Variants in SLC24A2 observed in about 807,000 individuals in gnomAD.
SLC24A2 encodes sodium/potassium/calcium exchanger 2.
A neutral mutation model predicts 62.0 loss-of-function variants in SLC24A2; 36 were observed. The observed-to-expected ratio is 0.58, with a 90% CI of 0.44 to 0.77. The LOEUF (loss-of-function observed/expected upper bound fraction) is 0.77. Among genes scored for constraint, SLC24A2 ranks in the 30% least tolerant of loss-of-function variants. The probability of loss-of-function intolerance (pLI) is 0.00; values close to 1 mark genes in which losing one functional copy is unlikely to be tolerated. For synonymous variants in SLC24A2, 358 were observed against 294.0 expected (o/e 1.22, Z -2.23); for missense variants, 846 against 817.9 (o/e 1.03, Z -0.42).
At chr9:20,197,987 A>T in the SLC24A2 span, among the ~76,000 whole-genome samples, 1 of 152,218 alleles carries the variant, frequency 6.6e-6, no homozygotes, top group Non-Finnish European at 1.5e-5. Context: ...CAAGAAAAAG[A>T]TGCTGAAGAT....
chr9:20,105,829 G>C, the SLC24A2 span, among the ~76,000 whole-genome samples: 2 of 152,010 alleles, frequency 1.3e-5, no homozygotes, highest in African/African-American at 2.4e-5. Flanking sequence ...CTAGCAGAAG[G>C]CAAGAAGTAA....
chr9:20,248,827 G>T, the SLC24A2 span, among the ~76,000 whole-genome samples: 3 of 152,184 alleles, frequency 2.0e-5, no homozygotes, highest in African/African-American at 7.2e-5. Flanking sequence ...CTTCTCCGGG[G>T]CACCCACATG....
chr9:20,176,207 C>T, the SLC24A2 span, among the ~76,000 whole-genome samples: 2 of 151,932 alleles, frequency 1.3e-5, no homozygotes, highest in Non-Finnish European at 2.9e-5. Context: ...GATCTTGAGG[C>T]TTAAAAATGA....
the SLC24A2 span, among the ~76,000 whole-genome samples, chr9:20,282,501 T>C: frequency 1.3e-5 from 2 of 152,162 alleles, no homozygotes; most frequent in Non-Finnish European, 2.9e-5. Context: ...GAATCTGAAA[T>C]CCAAGAGATT....
chr9:20,205,936 T>C, the SLC24A2 span, among the ~76,000 whole-genome samples: 1 of 152,194 alleles, frequency 6.6e-6, no homozygotes, highest in Non-Finnish European at 1.5e-5. Flanking sequence ...ATTGTTATTA[T>C]ATTTATACTG....
chr9:20,174,795 T>C, the SLC24A2 span, among the ~76,000 whole-genome samples: 1 of 151,964 alleles, frequency 6.6e-6, no homozygotes, highest in African/African-American at 2.4e-5. Context: ...AGTGTGGCAA[T>C]TCCTTAAAGA....
chr9:19,728,861 T>G (rs779339573), intron 2 of SLC24A2, among the ~76,000 whole-genome samples: 2 of 152,142 alleles, frequency 1.3e-5, no homozygotes, highest in African/African-American at 2.4e-5. Flanking sequence ...GCATTGAGGC[T>G]GAGACTAAAA....
chr9:19,709,816 G>C (rs1165192385), intron 2 of SLC24A2, among the ~76,000 whole-genome samples: 1 of 149,876 alleles, frequency 6.7e-6, no homozygotes, highest in Non-Finnish European at 1.5e-5. Context: ...GGAGTTAATG[G>C]GTGCAGCACA....
chr9:19,867,939 A>C, the SLC24A2 span, among the ~76,000 whole-genome samples: 9 of 151,572 alleles, frequency 5.9e-5, no homozygotes, highest in South Asian at 4.2e-4. Context: ...ACAAAAAAAA[A>C]CTTTTGGTTT....
chr9:19,723,096 T>C (rs1047196645), intron 2 of SLC24A2, among the ~76,000 whole-genome samples: 1 of 152,134 alleles, frequency 6.6e-6, no homozygotes, highest in Non-Finnish European at 1.5e-5. Context: ...ATCATCAACA[T>C]TTAAAGACCT....
At chr9:20,149,745 A>G in the SLC24A2 span, among the ~76,000 whole-genome samples, 2 of 152,178 alleles carry the variant, frequency 1.3e-5, no homozygotes, top group African/African-American at 4.8e-5. Context: ...CTAGCAGACC[A>G]TACAAAAACA....
chr9:19,616,305 A>G lies in SLC24A2; in HGVS notation c.1078+3279T>C, dbSNP rs545919831. Among the ~76,000 whole-genome samples the G allele has an allele frequency of 5.3e-5, 8 of 152,350 alleles. No homozygotes were observed. In the East Asian group the frequency reaches 1.5e-3, roughly 29 times the overall value. ...TATTTAACGCTTTGTGTATATTCAC[A>G]TTTTAATCCTTACAATAACACTATG... On this transcript the variant is annotated intron_variant, in intron 4 of 10. Coordinates refer to ENST00000341998, the MANE Select transcript of SLC24A2 (RefSeq NM_020344.4).
chr9:19,686,112 A>T (rs892721263), intron 2 of SLC24A2, among the ~76,000 whole-genome samples: 1 of 152,182 alleles, frequency 6.6e-6, no homozygotes, highest in African/African-American at 2.4e-5. Context: ...ACATGAACAG[A>T]CACTTTTCAA....
chr9:19,536,149 T>C (rs936385188), intron 8 of SLC24A2, among the ~76,000 whole-genome samples: 4 of 151,568 alleles, frequency 2.6e-5, no homozygotes, highest in African/African-American at 9.7e-5. Flanking sequence ...GTTTGTCTTT[T>C]TTTTTTTTAT....
At chr9:19,911,843 T>C in the SLC24A2 span, among the ~76,000 whole-genome samples, 1 of 152,112 alleles carries the variant, frequency 6.6e-6, no homozygotes, top group Admixed American at 6.5e-5. Context: ...GCACACTGGG[T>C]TCTCTTTCCA....
chr9:20,021,963 C>T, the SLC24A2 span, among the ~76,000 whole-genome samples: 38 of 152,206 alleles, frequency 2.5e-4, no homozygotes, highest in Middle Eastern at 0.01. Context: ...AGTGAATACC[C>T]GAATGTTAAC....
chr9:20,168,455 A>G, the SLC24A2 span, among the ~76,000 whole-genome samples: 2 of 151,988 alleles, frequency 1.3e-5, no homozygotes. Flanking sequence ...TTTAAAAATC[A>G]TGTATCTGCT....
the SLC24A2 span, among the ~76,000 whole-genome samples, chr9:19,964,767 G>A: frequency 6.6e-6 from 1 of 152,240 alleles, no homozygotes; most frequent in Non-Finnish European, 1.5e-5. Flanking sequence ...TTGGCGTGAA[G>A]CAGCAGCTGG....
chr9:19,907,347 A>G, the SLC24A2 span, among the ~76,000 whole-genome samples: 1 of 152,262 alleles, frequency 6.6e-6, no homozygotes, highest in East Asian at 1.9e-4. Flanking sequence ...AGAGCTATCT[A>G]TGACAAACCC....
Sources: allele counts gnomAD v4.1 joint callset (sites outside exome capture counted in the v4.1 genomes callset), GRCh38; gene constraint gnomAD v4.1.1; transcripts MANE v1.5; gene names NCBI Gene and HGNC (gene_info 2026-07-23, HGNC 2026-07-21).